Variants in ZFAT observed in about 807,000 individuals in gnomAD.
The protein encoded by ZFAT is zinc finger and AT-hook domain containing.
ZFAT carries 64 observed loss-of-function variants against 117.7 expected under a neutral mutation model. That is an observed-to-expected ratio of 0.54 (90% CI 0.44 to 0.67). The LOEUF is 0.67. Ranked by LOEUF, ZFAT falls within the 30% of genes least tolerant of loss-of-function variation. The pLI is 0.00. For missense variants in ZFAT, 1,433 were observed against 1,584.5 expected, an observed-to-expected ratio of 0.90 and a Z score of 1.62; for synonymous variants, 679 against 615.0, an observed-to-expected ratio of 1.10 and a Z score of -1.54.
At chr8:134,712,650 C>T (rs1391458467) in intron 1 of ZFAT, among the ~76,000 whole-genome samples, 195 bp downstream of exon 1, 2 of 139,310 alleles carry the variant, frequency 1.4e-5, no homozygotes, top group Non-Finnish European at 3.1e-5. Flanking sequence ...CGGCGGGATA[C>T]CCCAGCGACT....
chr8:134,503,608 C>A (rs1371760759), intron 15 of ZFAT, among the ~76,000 whole-genome samples: 1 of 152,140 alleles, frequency 6.6e-6, no homozygotes, highest in African/African-American at 2.4e-5. Flanking sequence ...CTGAATAAAG[C>A]AAATGGCCCT....
intron 11 of ZFAT, among the ~76,000 whole-genome samples, chr8:134,542,033 C>T (rs1822294463): frequency 6.6e-6 from 1 of 152,242 alleles, no homozygotes; most frequent in African/African-American, 2.4e-5. Flanking sequence ...CAGCTGGTAA[C>T]TTTCTTCCCT....
At chr8:134,689,566 G>C (rs796112822) in intron 1 of ZFAT, among the ~76,000 whole-genome samples, 1 of 152,168 alleles carries the variant, frequency 6.6e-6, no homozygotes, top group South Asian at 2.1e-4. Context: ...GATGTGATTC[G>C]CATACTACGA....
At chr8:134,819,935 G>A in the ZFAT span, among the ~76,000 whole-genome samples, 15 of 152,088 alleles carry the variant, frequency 9.9e-5, no homozygotes, top group African/African-American at 2.7e-4. Flanking sequence ...CCCATGCAGA[G>A]TGAGAAGCAC....
In ZFAT at chr8:134,617,005, C is replaced by T. The variant is rs571675233; in HGVS notation, c.449-6350G>A. Among the ~76,000 whole-genome samples the T allele has an allele frequency of 3.6e-3, 541 of 152,318 alleles. 1 individual carries two copies. The highest frequency in any genetic ancestry group is 6.2e-3 in the Non-Finnish European group (425 of 68,034). On this transcript the variant is annotated intron_variant, in intron 3 of 15. Coordinates refer to ENST00000377838, the MANE Select transcript of ZFAT (RefSeq NM_020863.4). ...ATCTCATCAATGTTCGCCTTCTCTG[C>T]CTTTTGAAAACATATCTGGGACACC...
the ZFAT span, among the ~76,000 whole-genome samples, chr8:134,732,523 A>G: frequency 6.6e-6 from 1 of 152,172 alleles, no homozygotes; most frequent in South Asian, 2.1e-4. Flanking sequence ...CCTCACCCTC[A>G]ACAACCCCTG....
chr8:134,703,320 A>C (rs1834064025), intron 1 of ZFAT, among the ~76,000 whole-genome samples: 1 of 152,152 alleles, frequency 6.6e-6, no homozygotes, highest in African/African-American at 2.4e-5. Flanking sequence ...TATCTTTCAA[A>C]CCTTTTGCTC....
intron 3 of ZFAT, among the ~76,000 whole-genome samples, chr8:134,611,764 G>T (rs911458989): frequency 1.3e-5 from 2 of 152,244 alleles, no homozygotes; most frequent in African/African-American, 4.8e-5. Flanking sequence ...CCTGGGGCCT[G>T]CCTGCTGCCT....
chr8:134,646,607 T>A (rs1353063759), intron 2 of ZFAT, among the ~76,000 whole-genome samples: 2 of 151,352 alleles, frequency 1.3e-5, no homozygotes, highest in African/African-American at 4.9e-5. Flanking sequence ...ATCAACAAAC[T>A]AAGAGCTTGT....
intron 10 of ZFAT, among the ~76,000 whole-genome samples, chr8:134,577,742 A>G (rs989649417): frequency 6.6e-6 from 1 of 152,228 alleles, no homozygotes; most frequent in Non-Finnish European, 1.5e-5. Flanking sequence ...ATAAATAAGG[A>G]AATTATACAG....
chr8:134,792,312 T>C, the ZFAT span: 1 of 152,226 alleles, frequency 6.6e-6, no homozygotes, highest in South Asian at 2.1e-4. Context: ...GTTTTCACTG[T>C]ATGGCACAAA....
chr8:134,517,912 C>A (rs540265937), intron 13 of ZFAT, among the ~76,000 whole-genome samples: 1 of 152,326 alleles, frequency 6.6e-6, no homozygotes, highest in Admixed American at 6.5e-5. Context: ...TCAGGTCACA[C>A]ATGATGTCAG....
chr8:134,642,978 C>T (rs1299431158), intron 2 of ZFAT, among the ~76,000 whole-genome samples: 5 of 152,248 alleles, frequency 3.3e-5, no homozygotes, highest in Admixed American at 2.6e-4. Context: ...TGCCAGGCAC[C>T]AGGGAGGCTG....
intron 8 of ZFAT, 148 bp downstream of exon 8, chr8:134,590,120 G>A (rs185574410): frequency 2.7e-5 from 16 of 596,584 alleles, no homozygotes; most frequent in Admixed American, 1.2e-4. Flanking sequence ...ACTTCCCAGC[G>A]TCGAATAAAG....
At chr8:134,622,727 G>A (rs9886611) in intron 3 of ZFAT, among the ~76,000 whole-genome samples, 9,830 of 152,074 alleles carry the variant, frequency 0.065, 1,093 homozygotes, top group African/African-American at 0.22. Flanking sequence ...TTTGACCAGT[G>A]GAGGCACCAG....
At chr8:134,625,770 T>C (rs537466076) in intron 3 of ZFAT, among the ~76,000 whole-genome samples, 2 of 152,316 alleles carry the variant, frequency 1.3e-5, no homozygotes, top group South Asian at 4.1e-4. Context: ...CCCAGCAGTA[T>C]GTCCAGATGT....
chr8:134,564,551 C>A (rs16905182), intron 11 of ZFAT, among the ~76,000 whole-genome samples: 64,798 of 152,036 alleles, frequency 0.43, 14,197 homozygotes, highest in Admixed American at 0.55. Context: ...AGATGCCCTG[C>A]AGTCCCTCCC....
intron 10 of ZFAT, among the ~76,000 whole-genome samples, chr8:134,576,438 T>G (rs1825304511): frequency 6.6e-6 from 1 of 152,114 alleles, no homozygotes; most frequent in Non-Finnish European, 1.5e-5. Context: ...GTAGCCACAC[T>G]TCCACACCTG....
At chr8:134,607,986 CTTG>C (rs1828020863) in intron 5 of ZFAT, among the ~76,000 whole-genome samples, 1 of 152,172 alleles carries the variant, frequency 6.6e-6, no homozygotes, top group South Asian at 2.1e-4. Context: ...CACAGGAGGT[CTTG>C]AAGTATGGAA....
Sources: allele counts gnomAD v4.1 joint callset (sites outside exome capture counted in the v4.1 genomes callset), GRCh38; gene constraint gnomAD v4.1.1; transcripts MANE v1.5; gene names NCBI Gene and HGNC (gene_info 2026-07-23, HGNC 2026-07-21).